The following FRY variants were observed in gnomAD, a reference collection of about 807,000 sequenced individuals.
FRY encodes FRY microtubule binding protein, also known as protein furry homolog.
In FRY, 128 loss-of-function variants were observed where a neutral mutation model predicts 348.4. The ratio of observed to expected loss-of-function variants is 0.37; its 90% CI spans 0.32 to 0.43. FRY has a LOEUF of 0.43. Among genes scored for constraint, FRY ranks in the 20% least tolerant of loss-of-function variants. The probability of loss-of-function intolerance (pLI) is 1.00; values close to 1 mark genes in which losing one functional copy is unlikely to be tolerated. For synonymous variants in FRY, 1,370 were observed against 1,374.7 expected (o/e 1.00, Z 0.08); for missense variants, 2,736 against 3,695.2 (o/e 0.74, Z 6.73).
Position 32,139,823 on chromosome 13 carries a change from A to G in FRY, c.1179+2851A>G, listed in dbSNP as rs567676439. 1.4e-3 allele frequency among the ~76,000 whole-genome samples: 208 copies of G among 152,298 alleles called. 1 individual carries two copies. Among genetic ancestry groups the G allele is most frequent in the African/African-American group, 4.2e-3 (175 of 41,550 alleles). On this transcript the variant is annotated intron_variant, in intron 11 of 60. Transcript: ENST00000542859. ...AACATATTGTGCTATAAAAAAATGC[A>G]TTCCCTTCACATCTGCCATACAACA...
At chr13:32,059,294 G>A (rs753748790) in intron 1 of FRY, among the ~76,000 whole-genome samples, 11 of 151,898 alleles carry the variant, frequency 7.2e-5, no homozygotes, top group East Asian at 1.9e-4. Flanking sequence ...GACAAAGTGC[G>A]AATTTTCAGT....
chr13:32,065,105 C>G (rs1034020689), intron 1 of FRY, among the ~76,000 whole-genome samples: 4 of 152,004 alleles, frequency 2.6e-5, no homozygotes, highest in African/African-American at 9.7e-5. Context: ...AGATGGCATT[C>G]CTTTATTATT....
At chr13:32,191,029 A>G (rs1008536285) in intron 28 of FRY, among the ~76,000 whole-genome samples, 1 of 152,198 alleles carries the variant, frequency 6.6e-6, no homozygotes, top group Non-Finnish European at 1.5e-5. Flanking sequence ...TACATGGTTT[A>G]TTTCAAAGAT....
intron 1 of FRY, among the ~76,000 whole-genome samples, chr13:32,066,905 T>C (rs1002756530): frequency 6.6e-6 from 1 of 152,260 alleles, no homozygotes; most frequent in Non-Finnish European, 1.5e-5. Context: ...TATGCTCTTC[T>C]TTATTTCATC....
At chr13:32,123,853 T>C (rs956395985) in intron 4 of FRY, among the ~76,000 whole-genome samples, 1 of 151,920 alleles carries the variant, frequency 6.6e-6, no homozygotes, top group Admixed American at 6.6e-5. Context: ...TGTTTTGAGA[T>C]GGAGTCTCGC....
chr13:32,121,804 T>G (rs867932673), intron 4 of FRY, among the ~76,000 whole-genome samples: 1 of 152,246 alleles, frequency 6.6e-6, no homozygotes, highest in African/African-American at 2.4e-5. Context: ...CTATTTATCT[T>G]TGTTTTTATT....
chr13:32,276,540 A>G lies in FRY; in HGVS notation c.8363A>G (p.Asn2788Ser), dbSNP rs767494511. ...CAAGAATATTTGGATACCTACAACAACAGGAAAGAGGCCACACTCTCTGTA... is the reference window on the plus strand; with the variant it reads ...CAAGAATATTTGGATACCTACAACAGCAGGAAAGAGGCCACACTCTCTGTA... ...ELQEYLDTYN[N>S]RKEATLSWLA... The change falls in exon 57 of 61, where the codon AAC (asparagine) becomes AGC (serine). Residue 2788 changes from asparagine (N) to serine (S), a missense_variant. Transcript: ENST00000542859. 2 of 1,589,630 alleles carry G rather than the reference A, an allele frequency of 1.3e-6. No individual in the cohort carries two copies. The highest frequency in any genetic ancestry group is 1.7e-6 in the Non-Finnish European group (2 of 1,157,632).
chr13:32,254,237 C>T lies in FRY; in HGVS notation c.7259C>T (p.Ser2420Leu), dbSNP rs1458250699. The part of the protein sequence containing the change: ...LSKNPSVIFS[S>L]CGDLDLLEHQ... ...CTTGATTCGCAGGTGATTTTTTCATCGTGTGGGGATCTGGATCTGCTTGAG... is the reference window on the plus strand; with the variant it reads ...CTTGATTCGCAGGTGATTTTTTCATTGTGTGGGGATCTGGATCTGCTTGAG... The change falls in exon 51 of 61, where the codon TCG (serine) becomes TTG (leucine). Residue 2420 changes from serine to leucine, a missense_variant. Physicochemically the swap from Ser to Leu is moderately radical, Grantham distance 145. Transcript: ENST00000542859. The T allele has an allele frequency of 7.4e-6, 12 of 1,613,986 alleles. No homozygotes were observed. The highest frequency in any genetic ancestry group is 2.2e-5 in the East Asian group (1 of 44,876).
intron 1 of FRY, among the ~76,000 whole-genome samples, chr13:32,037,301 T>C (rs1872564602): frequency 6.6e-6 from 1 of 152,236 alleles, no homozygotes; most frequent in Admixed American, 6.5e-5. Context: ...TAAAAAAGCA[T>C]GAATGATGTT....
At chr13:32,127,790 T>A (rs1879117840) in intron 7 of FRY, among the ~76,000 whole-genome samples, 1 of 151,888 alleles carries the variant, frequency 6.6e-6, no homozygotes. Context: ...AAAAAAAAAG[T>A]AAAAGATAGA....
chr13:32,246,688 A>T (rs1188892324), intron 47 of FRY, among the ~76,000 whole-genome samples: 1 of 152,250 alleles, frequency 6.6e-6, no homozygotes, highest in Non-Finnish European at 1.5e-5. Flanking sequence ...GCAAGCCAAG[A>T]CACCAGTAAG....
intron 16 of FRY, among the ~76,000 whole-genome samples, chr13:32,160,134 G>A (rs910529398): frequency 7.9e-5 from 12 of 152,248 alleles, no homozygotes; most frequent in South Asian, 2.1e-4. Context: ...GCTTGATTAT[G>A]ATCTTTAGAT....
rs1877187225 is a variant in FRY at position 32,101,947 on chromosome 13, T to C, written c.271-16T>C. On this transcript the variant is annotated splice_polypyrimidine_tract_variant and intron_variant, in intron 2 of 60. Coordinates refer to ENST00000542859, the MANE Select transcript of FRY (RefSeq NM_023037.3). ...ACTCTAATAATTATTCTTGCATATA[T>C]TCTTTTTCTTTCTAGGAAAAGCCAT... The C allele has an allele frequency of 3.7e-6, 5 of 1,356,586 alleles. No individual in the cohort carries two copies. The highest frequency in any genetic ancestry group is 5.3e-6 in the Non-Finnish European group (5 of 945,336). 84.0% of individuals were successfully genotyped at this position (1,356,586 alleles called of 1,614,324 possible).
chr13:32,036,130 G>T (rs554539787), intron 1 of FRY, among the ~76,000 whole-genome samples: 1 of 152,306 alleles, frequency 6.6e-6, no homozygotes, highest in South Asian at 2.1e-4. Context: ...AAAAGCTTAA[G>T]AAAATCTCAA....
chr13:32,292,819 A>C (rs1889441745), intron 59 of FRY, among the ~76,000 whole-genome samples: 1 of 151,718 alleles, frequency 6.6e-6, no homozygotes, highest in African/African-American at 2.4e-5. Context: ...TAAATAAATA[A>C]ATAAATAAAG....
rs1192716210 is a variant in FRY at position 32,184,738 on chromosome 13, CT to C, written c.3146+52del. On this transcript the variant is annotated intron_variant, in intron 25 of 60. Coordinates refer to ENST00000542859, the MANE Select transcript of FRY (RefSeq NM_023037.3). Reference sequence around the variant, plus strand: ...GTTGCTCTCTTCTCACCAGACTGATCTTTTTGTTTTCTTTCTGTCTCTCTCT... The same window carrying C: ...GTTGCTCTCTTCTCACCAGACTGATCTTTTGTTTTCTTTCTGTCTCTCTCT... The C allele has an allele frequency of 3.0e-5, 35 of 1,148,654 alleles. 2 individuals are homozygous for C. In the Middle Eastern group the frequency reaches 5.2e-3, roughly 170 times the overall value. 71.2% of individuals were successfully genotyped at this position (1,148,654 alleles called of 1,614,324 possible).
At chr13:32,049,232 G>A (rs1183400933) in intron 1 of FRY, among the ~76,000 whole-genome samples, 1 of 152,164 alleles carries the variant, frequency 6.6e-6, no homozygotes, top group African/African-American at 2.4e-5. Context: ...CTGTTACAGA[G>A]AAGAGGGGGA....
At chr13:32,053,814 G>A (rs1323529542) in intron 1 of FRY, among the ~76,000 whole-genome samples, 1 of 152,102 alleles carries the variant, frequency 6.6e-6, no homozygotes, top group Non-Finnish European at 1.5e-5. Context: ...ACAGGTTGTG[G>A]GGATGAGGAT....
chr13:32,147,884 C>T lies in FRY; in HGVS notation c.1329C>T (p.Arg443=), dbSNP rs776822581. The change falls in exon 13 of 61, where the codon CGC becomes CGT. Residue 443 remains arginine (R), a synonymous_variant. Coordinates refer to ENST00000542859, the MANE Select transcript of FRY (RefSeq NM_023037.3). ...IITTLFPKGS[R]GVVPRDMPLN... is the part of the protein sequence containing the mutation. ...CAACACTTTTCCCCAAAGGGTCCCG[C>T]GGTGTGGTACCAAGGGACATGCCTC... The T allele has an allele frequency of 9.9e-6, 16 of 1,611,382 alleles. No individual in the cohort carries two copies. Among genetic ancestry groups the T allele is most frequent in the Middle Eastern group, 1.6e-4 (1 of 6,074 alleles).
Sources: gnomAD v4.1 joint callset for allele counts (sites outside exome capture counted in the v4.1 genomes callset) on GRCh38, gnomAD v4.1.1 for gene constraint, MANE v1.5 for transcripts, NCBI Gene and HGNC (gene_info 2026-07-23, HGNC 2026-07-21) for gene names.